The following ADCYAP1R1 variants were observed in gnomAD, a reference collection of about 807,000 sequenced individuals.
ADCYAP1R1 encodes the protein ADCYAP receptor type I, also known as pituitary adenylate cyclase-activating polypeptide type I receptor.
Under a neutral mutation model 67.6 loss-of-function variants are expected in ADCYAP1R1, and 44 were observed. The observed-to-expected ratio is 0.65, with a 90% CI of 0.51 to 0.84. ADCYAP1R1 has a LOEUF of 0.84. Among genes scored for constraint, ADCYAP1R1 ranks in the 40% least tolerant of loss-of-function variants. The probability of loss-of-function intolerance (pLI) is 0.00; values close to 1 mark genes in which losing one functional copy is unlikely to be tolerated. For synonymous variants in ADCYAP1R1, 222 were observed against 219.6 expected, an observed-to-expected ratio of 1.01 and a Z score of -0.10; for missense variants, 477 against 587.9, an observed-to-expected ratio of 0.81 and a Z score of 1.95.
chr7:31,099,480 A>G (rs1339248404), intron 13 of ADCYAP1R1, among the ~76,000 whole-genome samples: 1 of 152,176 alleles, frequency 6.6e-6, no homozygotes, highest in African/African-American at 2.4e-5. Context: ...ATCATATTGG[A>G]ATAGTTTAGG....
At chr7:31,096,148 G>A (rs1488744658) in intron 13 of ADCYAP1R1, among the ~76,000 whole-genome samples, 1 of 152,070 alleles carries the variant, frequency 6.6e-6, no homozygotes, top group South Asian at 2.1e-4. Flanking sequence ...TTAACTGTTC[G>A]GGGAGAGCCT....
intron 3 of ADCYAP1R1, among the ~76,000 whole-genome samples, chr7:31,069,529 T>C (rs1397048655): frequency 1.3e-5 from 2 of 152,232 alleles, no homozygotes; most frequent in Non-Finnish European, 2.9e-5. Flanking sequence ...CATAATTTTT[T>C]AAATCTAGTA....
At position 31,084,586 on chromosome 7, in the gene ADCYAP1R1, G is replaced by A. The variant is rs141493996; in HGVS notation, c.439-151G>A. The A allele has an allele frequency of 7.9e-4, 558 of 703,400 alleles. 3 individuals carry two copies. In the African/African-American group the frequency reaches 8.8e-3, roughly 11 times the overall value. 43.6% of individuals were successfully genotyped at this position (703,400 alleles called of 1,614,324 possible). ...CAAGAGGCTTGGCCAGGGGTGGGAG[G>A]TGGTGGAGATGATATCAGCAGAAGA... On this transcript the variant is annotated intron_variant, in intron 7 of 15. Coordinates refer to ENST00000304166, the MANE Select transcript of ADCYAP1R1 (RefSeq NM_001118.5).
At chr7:31,077,805 T>A (rs1296834673) in intron 3 of ADCYAP1R1, among the ~76,000 whole-genome samples, 186 bp from the exon 4 acceptor site, 3 of 147,558 alleles carry the variant, frequency 2.0e-5, no homozygotes, top group Non-Finnish European at 4.5e-5. Context: ...CGGTGTCTGT[T>A]GTGTGGTGTG....
intron 3 of ADCYAP1R1, among the ~76,000 whole-genome samples, chr7:31,065,276 CTA>C: frequency 6.6e-6 from 1 of 152,180 alleles, no homozygotes; most frequent in Non-Finnish European, 1.5e-5. Flanking sequence ...AGGGACACAG[CTA>C]TTGCCTGTGG....
Position 31,108,481 on chromosome 7 carries a change from T to A in ADCYAP1R1, c.*1797T>A, listed in dbSNP as rs772509678. The A allele has an allele frequency of 6.6e-6, 1 of 152,274 alleles. No individual in the cohort carries two copies. Among genetic ancestry groups the A allele is most frequent in the Non-Finnish European group, 1.5e-5 (1 of 68,158 alleles). The allele number at this position is 152,274 out of a possible 1,614,324, so 9.4% of individuals were successfully genotyped here. A position where few individuals can be genotyped will look rare whatever the true frequency, so the allele number is the denominator to read the frequency against. On this transcript the variant is annotated 3_prime_UTR_variant, in exon 16 of 16. Transcript: ENST00000304166. The stretch of plus-strand genomic sequence containing the variant: ...GCAAGGGTCCTGTGGACATCTTGCA[T>A]TTTGGGCACTGCTAGGGGGTCTGGG...
intron 15 of ADCYAP1R1, among the ~76,000 whole-genome samples, chr7:31,105,885 A>G (rs566977813): frequency 6.6e-6 from 1 of 152,250 alleles, no homozygotes; most frequent in South Asian, 2.1e-4. Flanking sequence ...AAGGTGCTTG[A>G]CTGAGAAGGC....
At chr7:31,057,904 C>T (rs1011120494) in intron 1 of ADCYAP1R1, among the ~76,000 whole-genome samples, 2 of 152,198 alleles carry the variant, frequency 1.3e-5, no homozygotes, top group African/African-American at 2.4e-5. Context: ...GTCCTGCCCT[C>T]TGATGGGGAG....
intron 3 of ADCYAP1R1, among the ~76,000 whole-genome samples, chr7:31,067,318 C>T (rs1347669259): frequency 6.6e-6 from 1 of 152,174 alleles, no homozygotes; most frequent in African/African-American, 2.4e-5. Context: ...AAGCAAAGGG[C>T]AGCCATTAGG....
intron 3 of ADCYAP1R1, among the ~76,000 whole-genome samples, chr7:31,068,092 C>T (rs889143711): frequency 5.3e-5 from 8 of 152,106 alleles, no homozygotes; most frequent in African/African-American, 1.4e-4. Context: ...AGAAGCGTTC[C>T]GCTGGGGAAG....
intron 13 of ADCYAP1R1, among the ~76,000 whole-genome samples, chr7:31,095,170 C>T (rs1207828017): frequency 6.6e-6 from 1 of 152,200 alleles, no homozygotes; most frequent in Non-Finnish European, 1.5e-5. Context: ...TGCAAACATC[C>T]AGTGAATCTG....
intron 9 of ADCYAP1R1, among the ~76,000 whole-genome samples, chr7:31,085,973 G>A (rs1283246049): frequency 6.6e-6 from 1 of 152,194 alleles, no homozygotes; most frequent in East Asian, 1.9e-4. Context: ...GCCTCTATGA[G>A]TAGAGATTTC....
intron 13 of ADCYAP1R1, chr7:31,100,059 T>C (rs1174101382): frequency 6.8e-7 from 1 of 1,467,154 alleles, no homozygotes; most frequent in African/African-American, 1.4e-5. Context: ...CTGCTTTCCC[T>C]GTAAACTGAG....
intron 1 of ADCYAP1R1, among the ~76,000 whole-genome samples, chr7:31,060,179 G>GC (rs1357379601): frequency 1.3e-5 from 2 of 152,160 alleles, no homozygotes; most frequent in African/African-American, 4.8e-5. Flanking sequence ...CTGAGAAGCT[G>GC]CCCTTCCCAC....
At chr7:31,068,215 G>GCGCGCACACA (rs35207713) in intron 3 of ADCYAP1R1, among the ~76,000 whole-genome samples, 20 of 149,902 alleles carry the variant, frequency 1.3e-4, no homozygotes, top group Admixed American at 2.0e-4. Context: ...ATGTGCGCGC[G>GCGCGCACACA]CACACACACA....
At chr7:31,100,227 G>A (rs761185025) in intron 13 of ADCYAP1R1, 69 of 1,549,746 alleles carry the variant, frequency 4.5e-5, no homozygotes, top group Non-Finnish European at 5.3e-5. Flanking sequence ...GTGCGTGGCC[G>A]AGGCTGTGGC....
At chr7:31,096,580 C>A (rs1404523675) in intron 13 of ADCYAP1R1, among the ~76,000 whole-genome samples, 1 of 152,206 alleles carries the variant, frequency 6.6e-6, no homozygotes, top group East Asian at 1.9e-4. Context: ...AGTGGCTGAG[C>A]AAAACCCTGA....
chr7:31,095,308 C>G (rs1796143977), intron 13 of ADCYAP1R1, among the ~76,000 whole-genome samples: 1 of 152,084 alleles, frequency 6.6e-6, no homozygotes, highest in Non-Finnish European at 1.5e-5. Flanking sequence ...GGCCTTTCAC[C>G]CCAAGCTTGA....
At chr7:31,088,421 G>C (rs1020281554) in intron 12 of ADCYAP1R1, among the ~76,000 whole-genome samples, 2 of 152,150 alleles carry the variant, frequency 1.3e-5, no homozygotes, top group Admixed American at 1.3e-4. Context: ...GTTGATGGAG[G>C]CCTTTCCCAA....
Sources: gnomAD v4.1 joint callset for allele counts (sites outside exome capture counted in the v4.1 genomes callset) on GRCh38, gnomAD v4.1.1 for gene constraint, MANE v1.5 for transcripts, NCBI Gene and HGNC (gene_info 2026-07-23, HGNC 2026-07-21) for gene names.